The following CREB5 variants were observed in gnomAD, a reference collection of about 807,000 sequenced individuals.
CREB5 encodes cyclic AMP-responsive element-binding protein 5.
Under a neutral mutation model 57.1 loss-of-function variants are expected in CREB5, and 19 were observed. The ratio of observed to expected loss-of-function variants is 0.33; its 90% CI spans 0.23 to 0.49. CREB5 has a LOEUF of 0.49. Among genes scored for constraint, CREB5 ranks in the 20% least tolerant of loss-of-function variants. The pLI, the probability that CREB5 is intolerant of heterozygous loss-of-function variation, is 0.99. For synonymous variants in CREB5, 238 were observed against 238.3 expected (o/e 1.00, Z 0.01); for missense variants, 579 against 671.6 (o/e 0.86, Z 1.52).
chr7:28,634,154 A>G (rs1798314717), intron 5 of CREB5, among the ~76,000 whole-genome samples: 1 of 152,120 alleles, frequency 6.6e-6, no homozygotes. Context: ...TGGCAGGCAA[A>G]TTTCCACACA....
chr7:28,470,691 C>T (rs912771485), intron 1 of CREB5, among the ~76,000 whole-genome samples: 5 of 152,210 alleles, frequency 3.3e-5, no homozygotes, highest in African/African-American at 4.8e-5. Flanking sequence ...TACATTCCCA[C>T]CAACAGTGTA....
At chr7:28,725,256 A>G (rs1465087002) in intron 7 of CREB5, among the ~76,000 whole-genome samples, 1 of 152,216 alleles carries the variant, frequency 6.6e-6, no homozygotes, top group Non-Finnish European at 1.5e-5. Context: ...AAAGTTAGCC[A>G]TCAATTCCTG....
intron 5 of CREB5, among the ~76,000 whole-genome samples, chr7:28,639,660 C>T (rs1798569308): frequency 6.6e-6 from 1 of 152,096 alleles, no homozygotes; most frequent in Non-Finnish European, 1.5e-5. Flanking sequence ...AAGGACTTAC[C>T]TGACAGTCAT....
intron 4 of CREB5, among the ~76,000 whole-genome samples, chr7:28,520,502 T>C (rs948690121): frequency 2.0e-5 from 3 of 152,184 alleles, no homozygotes; most frequent in Non-Finnish European, 4.4e-5. Flanking sequence ...GGTAACTTGC[T>C]CCTAGGGCCA....
chr7:28,300,050 CTTTA>C (rs150788504), intron 1 of CREB5, among the ~76,000 whole-genome samples: 7,265 of 144,226 alleles, frequency 0.05, 219 homozygotes, highest in African/African-American at 0.056. Flanking sequence ...TGCTTTTTAG[CTTTA>C]TTTATTTATT....
chr7:28,328,240 G>A (rs762313724), intron 1 of CREB5, among the ~76,000 whole-genome samples: 2 of 152,164 alleles, frequency 1.3e-5, no homozygotes, highest in Non-Finnish European at 2.9e-5. Context: ...TCCTCATTCA[G>A]TTTTAGCCTC....
intron 1 of CREB5, among the ~76,000 whole-genome samples, chr7:28,363,873 C>G (rs1216063846): frequency 1.3e-5 from 2 of 152,132 alleles, no homozygotes; most frequent in Non-Finnish European, 2.9e-5. Context: ...TGTCATTGGT[C>G]TCAAATATTA....
intron 7 of CREB5, among the ~76,000 whole-genome samples, chr7:28,787,725 C>T (rs2237359): frequency 0.83 from 126,950 of 152,158 alleles, 53,954 homozygotes; most frequent in African/African-American, 0.95. Flanking sequence ...TGGCTAATGT[C>T]TGTATTTTTT....
chr7:28,425,555 G>A (rs1241867745), intron 1 of CREB5, among the ~76,000 whole-genome samples: 1 of 152,180 alleles, frequency 6.6e-6, no homozygotes, highest in Non-Finnish European at 1.5e-5. Context: ...AATGTCATTA[G>A]ATTGCATGCT....
At chr7:28,680,713 C>T (rs979950239) in intron 5 of CREB5, among the ~76,000 whole-genome samples, 1 of 150,398 alleles carries the variant, frequency 6.6e-6, no homozygotes, top group African/African-American at 2.5e-5. Context: ...GAACTGAAAT[C>T]ATGCCACTGC....
chr7:28,579,808 C>T (rs1395158941), intron 5 of CREB5, among the ~76,000 whole-genome samples: 3 of 152,098 alleles, frequency 2.0e-5, no homozygotes, highest in African/African-American at 4.8e-5. Flanking sequence ...AATACCCATC[C>T]CCGAATCACT....
intron 5 of CREB5, among the ~76,000 whole-genome samples, chr7:28,718,154 C>T (rs964416557): frequency 5.9e-5 from 9 of 152,216 alleles, no homozygotes; most frequent in Admixed American, 4.6e-4. Flanking sequence ...GGCTAGGCTC[C>T]GGACTTGCTC....
At chr7:28,354,111 G>C (rs1045432763) in intron 1 of CREB5, among the ~76,000 whole-genome samples, 2 of 152,316 alleles carry the variant, frequency 1.3e-5, no homozygotes, top group South Asian at 2.1e-4. Context: ...GAATAAATTT[G>C]TGTACTACTA....
intron 1 of CREB5, among the ~76,000 whole-genome samples, chr7:28,415,328 G>A (rs781465228): frequency 1.3e-5 from 2 of 152,156 alleles, no homozygotes; most frequent in Non-Finnish European, 2.9e-5. Flanking sequence ...AAGGCCCAGA[G>A]CTAGAGAGAG....
intron 7 of CREB5, among the ~76,000 whole-genome samples, chr7:28,732,024 G>T (rs570925136): frequency 7.9e-5 from 12 of 152,236 alleles, no homozygotes; most frequent in Non-Finnish European, 1.3e-4. Context: ...GCCTGCATGG[G>T]TCTTCCTCGG....
chr7:28,559,333 T>G (rs1487349499), intron 4 of CREB5, among the ~76,000 whole-genome samples: 8 of 152,190 alleles, frequency 5.3e-5, no homozygotes, highest in African/African-American at 1.9e-4. Context: ...TGTTTGTTTT[T>G]TGAGACGGAG....
At chr7:28,633,531 G>C (rs1440016536) in intron 5 of CREB5, among the ~76,000 whole-genome samples, 1 of 152,188 alleles carries the variant, frequency 6.6e-6, no homozygotes, top group Admixed American at 6.5e-5. Flanking sequence ...AGGAAGTAAA[G>C]AAGGTGTTTC....
intron 1 of CREB5, among the ~76,000 whole-genome samples, chr7:28,396,427 T>C (rs1787337050): frequency 6.6e-6 from 1 of 152,214 alleles, no homozygotes; most frequent in Non-Finnish European, 1.5e-5. Context: ...AATATACAAC[T>C]AGCTGGTATG....
chr7:28,571,155 G>A (rs1248011528), intron 5 of CREB5, among the ~76,000 whole-genome samples: 1 of 152,118 alleles, frequency 6.6e-6, no homozygotes, highest in African/African-American at 2.4e-5. Context: ...TCACATCCTG[G>A]GGGGCATAGC....
Sources: gnomAD v4.1 joint callset for allele counts (sites outside exome capture counted in the v4.1 genomes callset) on GRCh38, gnomAD v4.1.1 for gene constraint, MANE v1.5 for transcripts, NCBI Gene and HGNC (gene_info 2026-07-23, HGNC 2026-07-21) for gene names.